The following IL10RB variants were observed in gnomAD, a reference collection of about 807,000 sequenced individuals.
IL10RB encodes interleukin-10 receptor subunit beta.
Under a neutral mutation model 38.7 loss-of-function variants are expected in IL10RB, and 30 were observed. The observed-to-expected ratio is 0.78, with a 90% CI of 0.58 to 1.05. IL10RB has a LOEUF of 1.05. Ranked by LOEUF, IL10RB falls within the 50% of genes least tolerant of loss-of-function variation. The probability of loss-of-function intolerance (pLI) is 0.00; values close to 1 mark genes in which losing one functional copy is unlikely to be tolerated. For synonymous variants in IL10RB, 142 were observed against 145.9 expected, an observed-to-expected ratio of 0.97 and a Z score of 0.19; for missense variants, 328 against 397.1, an observed-to-expected ratio of 0.83 and a Z score of 1.48.
At chr21:33,267,348 G>A (rs1196346100) in intron 1 of IL10RB, among the ~76,000 whole-genome samples, 4 of 151,970 alleles carry the variant, frequency 2.6e-5, no homozygotes, top group African/African-American at 9.7e-5. Flanking sequence ...CATTAAACAC[G>A]GGCTATAGGC....
At position 33,277,560 on chromosome 21, in the gene IL10RB, T is replaced by C. The variant is rs548563125; in HGVS notation, c.331+807T>C. Among the ~76,000 whole-genome samples, 11 of 151,990 alleles carry C rather than the reference T, an allele frequency of 7.2e-5. 2 individuals carry two copies. The highest frequency in any genetic ancestry group is 2.7e-4 in the African/African-American group (11 of 41,474). ...CACATAGAGAAAAGCACTAAAAGAA[T>C]TGTCTCTGGCTAGGCATGGTGGCTC... On this transcript the variant is annotated intron_variant, in intron 3 of 6. Transcript: ENST00000290200.
rs963748807 is a variant in IL10RB at position 33,297,127 on chromosome 21, G to A, written c.*770G>A. 1 of 154,716 alleles carries A rather than the reference G, an allele frequency of 6.5e-6. No individual in the cohort carries two copies. Among genetic ancestry groups the A allele is most frequent in the African/African-American group, 2.4e-5 (1 of 41,380 alleles). The allele number at this position is 154,716 out of a possible 1,614,324, so 9.6% of individuals were successfully genotyped here. A position where few individuals can be genotyped will look rare whatever the true frequency, so the allele number is the denominator to read the frequency against. On this transcript the variant is annotated 3_prime_UTR_variant, in exon 7 of 7. Coordinates refer to ENST00000290200, the MANE Select transcript of IL10RB (RefSeq NM_000628.5). ...AATGCTACACAGAGCACGGACTTTT[G>A]GATTCTTTGCAGTACTTTGAATTTA...
At chr21:33,299,265 T>C (rs1348760012), downstream of IL10RB, among the ~76,000 whole-genome samples, 1 of 152,190 alleles carries the variant, frequency 6.6e-6, no homozygotes, top group Non-Finnish European at 1.5e-5. Flanking sequence ...ACAATGAATC[T>C]TGGGTATTTC....
At chr21:33,266,590 G>A (rs1568901086) in intron 1 of IL10RB, 76 bp downstream of exon 1, 2 of 1,448,176 alleles carry the variant, frequency 1.4e-6, no homozygotes, top group Non-Finnish European at 1.9e-6. Flanking sequence ...TCCCATCCCT[G>A]GGCGCCCTGC....
rs527269771 is a variant in IL10RB, at chr21:33,304,588, A to G, written c.130-4388A>G. 2.6e-5 allele frequency among the ~76,000 whole-genome samples: 4 copies of G among 152,290 alleles called. No homozygotes were observed. In the East Asian group the frequency reaches 7.7e-4, roughly 29 times the overall value. On this transcript the variant is annotated intron_variant, in intron 1 of 1. Transcript: ENST00000609556. ...TTCCTGAAAGCTTGCAAGGATCCCA[A>G]ATGGGCTGCCCTGAAAGGCCCCCTA...
In IL10RB at chr21:33,283,371, C is replaced by T. The variant is rs535583546; in HGVS notation, c.646+130C>T. The T allele has an allele frequency of 5.2e-4, 487 of 931,730 alleles. 3 individuals carry two copies. In the African/African-American group the frequency reaches 7.0e-3, roughly 13 times the overall value. 57.7% of individuals were successfully genotyped at this position (931,730 alleles called of 1,614,324 possible). A position where few individuals can be genotyped will look rare whatever the true frequency, so the allele number is the denominator to read the frequency against. On this transcript the variant is annotated intron_variant, in intron 5 of 6. Transcript: ENST00000290200. Reference sequence around the variant, plus strand: ...TATCGCCCTGACATTATCTCTCAGCCCTGACTGCTCAGCTTCATGCTAGGA... The same window carrying T: ...TATCGCCCTGACATTATCTCTCAGCTCTGACTGCTCAGCTTCATGCTAGGA...
intron 1 of IL10RB, among the ~76,000 whole-genome samples, chr21:33,306,989 C>G (rs954165559): frequency 6.6e-6 from 1 of 152,122 alleles, no homozygotes; most frequent in Non-Finnish European, 1.5e-5. Flanking sequence ...CATGTCATTC[C>G]TCTGCTAAAA....
At chr21:33,280,905 A>G (rs979506058) in intron 4 of IL10RB, among the ~76,000 whole-genome samples, 13 of 152,234 alleles carry the variant, frequency 8.5e-5, no homozygotes, top group African/African-American at 2.7e-4. Flanking sequence ...GTTCCATTAA[A>G]TGATGCAGTG....
At chr21:33,300,441 CA>C (rs11335398), downstream of IL10RB, among the ~76,000 whole-genome samples, 74,890 of 134,270 alleles carry the variant, frequency 0.56, 20,543 homozygotes, top group African/African-American at 0.72. Context: ...AACTCCATCT[CA>C]AAAAAAAAAA....
intron 6 of IL10RB, among the ~76,000 whole-genome samples, chr21:33,291,541 C>G (rs1382205122): frequency 6.6e-6 from 1 of 152,210 alleles, no homozygotes; most frequent in East Asian, 1.9e-4. Context: ...GCTGGGATTA[C>G]AGGCGTGAGC....
chr21:33,271,495 G>A (rs966954358), intron 2 of IL10RB, among the ~76,000 whole-genome samples: 5 of 152,236 alleles, frequency 3.3e-5, no homozygotes, highest in Non-Finnish European at 7.4e-5. Context: ...TTGGGAGGCC[G>A]AGGTGGGTGG....
rs370050296 is a variant in IL10RB at position 33,290,946 on chromosome 21, A to G, written c.804+2685A>G. ...TCTCGAGGCCAGACGTCCAAAATCA[A>G]GGTGTCACTAGGATGGTTTCCTTGG... is the stretch of plus-strand genomic sequence containing the variant. On this transcript the variant is annotated intron_variant, in intron 6 of 6. Transcript: ENST00000290200. Among the ~76,000 whole-genome samples the G allele has an allele frequency of 2.0e-5, 3 of 152,310 alleles. No homozygotes were observed. In the East Asian group the frequency reaches 5.8e-4, roughly 29 times the overall value.
At chr21:33,292,984 G>A (rs554268715) in intron 6 of IL10RB, among the ~76,000 whole-genome samples, 60 of 152,290 alleles carry the variant, frequency 3.9e-4, no homozygotes, top group African/African-American at 1.3e-3. Flanking sequence ...ATTCCTAGGC[G>A]TGGAACATGC....
intron 6 of IL10RB, among the ~76,000 whole-genome samples, chr21:33,290,812 A>G (rs2834174): frequency 0.42 from 64,643 of 152,130 alleles, 14,270 homozygotes; most frequent in Non-Finnish European, 0.49. Flanking sequence ...CAGTGGGCCC[A>G]TTGGTCTGGC....
intron 6 of IL10RB, among the ~76,000 whole-genome samples, chr21:33,295,721 C>T (rs546775938): frequency 6.8e-6 from 1 of 148,050 alleles, no homozygotes; most frequent in African/African-American, 2.5e-5. Context: ...AGTATCCCCA[C>T]TTGTAAAAAA....
intron 2 of IL10RB, among the ~76,000 whole-genome samples, chr21:33,275,561 G>A (rs374609624): frequency 7.9e-5 from 12 of 152,306 alleles, no homozygotes; most frequent in South Asian, 6.2e-4. Flanking sequence ...GGTGTGGCTG[G>A]TTTGATCTTC....
chr21:33,303,299 T>A (rs551212900), intron 1 of IL10RB, among the ~76,000 whole-genome samples: 31 of 151,686 alleles, frequency 2.0e-4, no homozygotes, highest in African/African-American at 6.5e-4. Context: ...GAGGGTGGAA[T>A]CCTCTTGCTT....
downstream of IL10RB, among the ~76,000 whole-genome samples, chr21:33,298,010 G>C (rs908210732): frequency 6.6e-6 from 1 of 152,178 alleles, no homozygotes; most frequent in African/African-American, 2.4e-5. Context: ...GGATGTTTCA[G>C]CTTGAGCAAA....
rs1398794169 is a variant in IL10RB at position 33,297,132 on chromosome 21, C to A, written c.*775C>A. The A allele has an allele frequency of 1.3e-5, 2 of 154,670 alleles. No homozygotes were observed. Among genetic ancestry groups the A allele is most frequent in the African/African-American group, 4.8e-5 (2 of 41,408 alleles). The allele number at this position is 154,670 out of a possible 1,614,324, so 9.6% of individuals were successfully genotyped here. On this transcript the variant is annotated 3_prime_UTR_variant, in exon 7 of 7. Transcript: ENST00000290200. The stretch of plus-strand genomic sequence containing the variant: ...TACACAGAGCACGGACTTTTGGATT[C>A]TTTGCAGTACTTTGAATTTATTTTT...
Sources: allele counts gnomAD v4.1 joint callset (sites outside exome capture counted in the v4.1 genomes callset), GRCh38; gene constraint gnomAD v4.1.1; transcripts MANE v1.5; gene names NCBI Gene and HGNC (gene_info 2026-07-23, HGNC 2026-07-21).